Variants in RNLS observed in about 807,000 individuals in gnomAD.
RNLS encodes the protein renalase.
RNLS carries 39 observed loss-of-function variants against 39.8 expected under a neutral mutation model. That is an observed-to-expected ratio of 0.98 (90% CI 0.76 to 1.28). The LOEUF (loss-of-function observed/expected upper bound fraction) is 1.28. RNLS is among the 50% of genes most tolerant of loss of function. The pLI is 0.00. For synonymous variants in RNLS, 147 were observed against 150.7 expected, an observed-to-expected ratio of 0.98 and a Z score of 0.18; for missense variants, 410 against 413.3, an observed-to-expected ratio of 0.99 and a Z score of 0.07.
At chr10:88,377,723 G>A (rs1254834528) in intron 4 of RNLS, among the ~76,000 whole-genome samples, 1 of 152,192 alleles carries the variant, frequency 6.6e-6, no homozygotes, top group Admixed American at 6.5e-5. Context: ...AATGGTGAAT[G>A]AATGTGAAGG....
chr10:88,221,006 G>A, the RNLS span, among the ~76,000 whole-genome samples: 1 of 152,092 alleles, frequency 6.6e-6, no homozygotes, highest in Non-Finnish European at 1.5e-5. Flanking sequence ...TTCCACTCTG[G>A]TGCATTTGCT....
intron 4 of RNLS, among the ~76,000 whole-genome samples, chr10:88,455,469 C>T (rs1028880774): frequency 3.3e-5 from 5 of 152,000 alleles, no homozygotes; most frequent in African/African-American, 1.2e-4. Flanking sequence ...TGCAGTGGTG[C>T]GATTTCGGCT....
intron 4 of RNLS, among the ~76,000 whole-genome samples, chr10:88,366,344 G>GAAC (rs1212015739): frequency 1.3e-5 from 2 of 152,140 alleles, no homozygotes; most frequent in East Asian, 3.9e-4. Context: ...AGATACAGGG[G>GAAC]TGCAAGAGTG....
At chr10:88,181,364 GAC>G in the RNLS span, among the ~76,000 whole-genome samples, 1,336 of 152,242 alleles carry the variant, frequency 8.8e-3, 28 homozygotes, top group African/African-American at 0.031. Flanking sequence ...CAGCTCCCCT[GAC>G]ACCTTGATTT....
chr10:88,358,577 C>A (rs1849386218), intron 5 of RNLS, among the ~76,000 whole-genome samples: 1 of 152,126 alleles, frequency 6.6e-6, no homozygotes, highest in Non-Finnish European at 1.5e-5. Flanking sequence ...ATGACAGAGC[C>A]CTTTTTCAAA....
chr10:88,236,319 T>C, the RNLS span, among the ~76,000 whole-genome samples: 1 of 152,082 alleles, frequency 6.6e-6, no homozygotes, highest in Non-Finnish European at 1.5e-5. Context: ...GAGGAGGAGG[T>C]AGAGTTCTGA....
chr10:88,307,037 G>C (rs1233138594), intron 6 of RNLS, among the ~76,000 whole-genome samples: 1 of 152,074 alleles, frequency 6.6e-6, no homozygotes, highest in African/African-American at 2.4e-5. Flanking sequence ...CAATAAATAT[G>C]ATTCATCATG....
intron 6 of RNLS, among the ~76,000 whole-genome samples, chr10:88,299,046 C>A (rs1019829774): frequency 2.6e-5 from 4 of 152,148 alleles, no homozygotes; most frequent in African/African-American, 7.2e-5. Flanking sequence ...AAATTCACAT[C>A]TCTTCTTTAG....
chr10:88,252,809 C>T, the RNLS span, among the ~76,000 whole-genome samples: 1 of 152,180 alleles, frequency 6.6e-6, no homozygotes, highest in Admixed American at 6.5e-5. Context: ...TAATTGACTA[C>T]CTTAGTGAAT....
chr10:88,345,513 A>G (rs1452581529), intron 5 of RNLS, among the ~76,000 whole-genome samples: 2 of 152,160 alleles, frequency 1.3e-5, no homozygotes, highest in Non-Finnish European at 2.9e-5. Context: ...GTGATTTTTA[A>G]CTAAACCTGC....
chr10:88,539,177 T>C (rs969913479), intron 4 of RNLS, among the ~76,000 whole-genome samples: 7 of 152,164 alleles, frequency 4.6e-5, no homozygotes, highest in Admixed American at 4.6e-4. Flanking sequence ...TTTTATTATC[T>C]GCATAACTAG....
intron 4 of RNLS, among the ~76,000 whole-genome samples, chr10:88,552,751 A>G (rs1303227088): frequency 6.6e-6 from 1 of 152,186 alleles, no homozygotes; most frequent in Non-Finnish European, 1.5e-5. Flanking sequence ...ATACACACAC[A>G]TATATAGGGA....
At chr10:88,469,928 A>C (rs1194343158) in intron 4 of RNLS, among the ~76,000 whole-genome samples, 1 of 77,950 alleles carries the variant, frequency 1.3e-5, no homozygotes, top group African/African-American at 2.9e-5. Flanking sequence ...ATATATATAC[A>C]AAGTATATGT....
At chr10:88,570,023 G>T (rs954062031) in intron 4 of RNLS, among the ~76,000 whole-genome samples, 1 of 152,018 alleles carries the variant, frequency 6.6e-6, no homozygotes, top group African/African-American at 2.4e-5. Flanking sequence ...ATTTAGGAAA[G>T]AAATAACACC....
chr10:88,260,483 G>A, the RNLS span, among the ~76,000 whole-genome samples: 6 of 152,184 alleles, frequency 3.9e-5, no homozygotes, highest in African/African-American at 1.2e-4. Flanking sequence ...GTTCTGAGTG[G>A]CTAGCTAAAT....
chr10:88,226,609 A>G, the RNLS span, among the ~76,000 whole-genome samples: 1 of 152,258 alleles, frequency 6.6e-6, no homozygotes, highest in Admixed American at 6.5e-5. Flanking sequence ...ATATCTTATA[A>G]TCAATTCAAT....
the RNLS span, among the ~76,000 whole-genome samples, chr10:88,194,334 A>G: frequency 7.9e-5 from 12 of 152,312 alleles, no homozygotes; most frequent in African/African-American, 2.9e-4. Context: ...ATGTCTCCAG[A>G]TACTGTTAAA....
chr10:88,188,109 T>G, the RNLS span, among the ~76,000 whole-genome samples: 1 of 152,184 alleles, frequency 6.6e-6, no homozygotes, highest in African/African-American at 2.4e-5. Flanking sequence ...CAGGCTGGAC[T>G]GCAGTGGTGC....
At chr10:88,569,476 T>C (rs1036901348) in intron 4 of RNLS, among the ~76,000 whole-genome samples, 2 of 152,130 alleles carry the variant, frequency 1.3e-5, no homozygotes, top group Non-Finnish European at 2.9e-5. Context: ...AGGATGTCAA[T>C]TCACATTCCT....
Sources: gnomAD v4.1 joint callset for allele counts (sites outside exome capture counted in the v4.1 genomes callset) on GRCh38, gnomAD v4.1.1 for gene constraint, MANE v1.5 for transcripts, NCBI Gene and HGNC (gene_info 2026-07-23, HGNC 2026-07-21) for gene names.